CDH18: variants seen among roughly 807,000 people sequenced by gnomAD.
CDH18 encodes the protein cadherin-18.
A neutral mutation model predicts 67.9 loss-of-function variants in CDH18; 31 were observed. The observed-to-expected ratio is 0.46, with a 90% CI of 0.34 to 0.62. CDH18 has a LOEUF of 0.62. Ranked by LOEUF, CDH18 falls within the 20% of genes least tolerant of loss-of-function variation. The pLI, the probability that CDH18 is intolerant of heterozygous loss-of-function variation, is 0.01. For synonymous variants in CDH18, 362 were observed against 347.2 expected (o/e 1.04, Z -0.48); for missense variants, 890 against 975.5 (o/e 0.91, Z 1.17).
At chr5:20,421,855 C>T (rs1747890221) in intron 1 of CDH18, among the ~76,000 whole-genome samples, 1 of 150,146 alleles carries the variant, frequency 6.7e-6, no homozygotes, top group Non-Finnish European at 1.5e-5. Context: ...CATGTATACA[C>T]ACATACATGT....
chr5:20,444,821 A>C (rs1045627209), intron 1 of CDH18, among the ~76,000 whole-genome samples: 8 of 148,518 alleles, frequency 5.4e-5, no homozygotes, highest in African/African-American at 2.0e-4. Context: ...CTGCGACTAC[A>C]TTTTATAAAA....
At position 20,507,077 on chromosome 5, in the gene CDH18, T is replaced by A. The variant is rs149507282; in HGVS notation, c.-580+68385A>T. 1.8e-4 allele frequency among the ~76,000 whole-genome samples: 27 copies of A among 152,342 alleles called. No homozygotes were observed. In the East Asian group the frequency reaches 4.6e-3, roughly 26 times the overall value. On this transcript the variant is annotated intron_variant, in intron 1 of 14. Transcript: ENST00000507958. ...TGAGCCATCCTACAACAGCTCTAGC[T>A]GAGCTCCCAGCCATCAGCCAGCAGT... is the stretch of plus-strand genomic sequence containing the variant.
chr5:19,983,677 G>A (rs1234304539), intron 1 of CDH18, among the ~76,000 whole-genome samples: 1 of 151,950 alleles, frequency 6.6e-6, no homozygotes, highest in Non-Finnish European at 1.5e-5. Context: ...GCATGTCAGG[G>A]TGCACTAGGG....
At chr5:19,685,749 A>G (rs1445989489) in intron 5 of CDH18, among the ~76,000 whole-genome samples, 3 of 152,140 alleles carry the variant, frequency 2.0e-5, no homozygotes, top group South Asian at 2.1e-4. Flanking sequence ...GTGCTATTAC[A>G]TCACCTGTGT....
intron 6 of CDH18, among the ~76,000 whole-genome samples, chr5:19,597,733 T>C (rs1746401581): frequency 6.6e-6 from 1 of 152,236 alleles, no homozygotes; most frequent in Admixed American, 6.5e-5. Flanking sequence ...GTGATGCTTC[T>C]AAGTGAGCCA....
chr5:19,919,341 A>G (rs898884264), intron 2 of CDH18, among the ~76,000 whole-genome samples: 1 of 152,202 alleles, frequency 6.6e-6, no homozygotes, highest in Non-Finnish European at 1.5e-5. Flanking sequence ...GAATGGTTAT[A>G]GCAAATTATT....
At chr5:20,335,555 C>T (rs1739648065) in intron 1 of CDH18, among the ~76,000 whole-genome samples, 1 of 152,160 alleles carries the variant, frequency 6.6e-6, no homozygotes, top group Admixed American at 6.5e-5. Flanking sequence ...GAGACTTTCA[C>T]TATCCTATTA....
At chr5:20,371,420 G>A (rs1305603697) in intron 1 of CDH18, among the ~76,000 whole-genome samples, 1 of 152,166 alleles carries the variant, frequency 6.6e-6, no homozygotes, top group Non-Finnish European at 1.5e-5. Context: ...GCATTGTTCT[G>A]CAGAATATGG....
chr5:19,524,895 G>A lies in CDH18; in HGVS notation c.1391-4117C>T, dbSNP rs907943496. ...CGAGTAGCTGGGACTACAGGCGCCC[G>A]CCACCACGCCCGGCTAATTTATTGT... On this transcript the variant is annotated intron_variant, in intron 9 of 12. Coordinates refer to ENST00000382275, the MANE Select transcript of CDH18 (RefSeq NM_004934.5). 8.5e-5 allele frequency among the ~76,000 whole-genome samples: 13 copies of A among 152,142 alleles called. No homozygotes were observed. In the East Asian group the frequency reaches 1.9e-3, roughly 23 times the overall value.
At chr5:19,970,881 T>C (rs1212772533) in intron 2 of CDH18, among the ~76,000 whole-genome samples, 1 of 151,640 alleles carries the variant, frequency 6.6e-6, no homozygotes, top group Non-Finnish European at 1.5e-5. Flanking sequence ...ATATAGGTAA[T>C]ACAGAAAACT....
At chr5:19,759,774 C>G (rs1172375544) in intron 3 of CDH18, among the ~76,000 whole-genome samples, 1 of 152,102 alleles carries the variant, frequency 6.6e-6, no homozygotes, top group Non-Finnish European at 1.5e-5. Flanking sequence ...AAAATATTCA[C>G]TCCATAAATT....
chr5:19,952,673 T>A (rs1305024967), intron 2 of CDH18, among the ~76,000 whole-genome samples: 1 of 152,176 alleles, frequency 6.6e-6, no homozygotes, highest in African/African-American at 2.4e-5. Context: ...TCATTGCACT[T>A]TAAGCTGTCA....
intron 10 of CDH18, among the ~76,000 whole-genome samples, chr5:19,519,058 C>T (rs1746475373): frequency 6.6e-6 from 1 of 152,156 alleles, no homozygotes; most frequent in African/African-American, 2.4e-5. Flanking sequence ...CTCTACTTGG[C>T]TTCTGTGTTC....
chr5:19,752,862 A>G (rs1177545287), intron 3 of CDH18, among the ~76,000 whole-genome samples: 1 of 152,188 alleles, frequency 6.6e-6, no homozygotes, highest in Admixed American at 6.5e-5. Context: ...AGGACTTTGT[A>G]CAGACAACAC....
At chr5:20,199,408 G>A (rs1739262147) in intron 2 of CDH18, among the ~76,000 whole-genome samples, 1 of 152,260 alleles carries the variant, frequency 6.6e-6, no homozygotes, top group East Asian at 1.9e-4. Context: ...ACTTGCATAA[G>A]GCCTGTAGCC....
chr5:19,573,598 T>C (rs941355337), intron 7 of CDH18, among the ~76,000 whole-genome samples: 6 of 152,006 alleles, frequency 3.9e-5, no homozygotes, highest in Non-Finnish European at 7.4e-5. Context: ...ATACTCTTAA[T>C]TGGATCCACA....
intron 2 of CDH18, among the ~76,000 whole-genome samples, chr5:20,120,735 G>GA (rs552702146): frequency 6.6e-6 from 1 of 151,990 alleles, no homozygotes; most frequent in Admixed American, 6.6e-5. Flanking sequence ...AAATTGTTTT[G>GA]AAAAAATGAT....
chr5:20,219,531 G>T (rs983661203), intron 2 of CDH18, among the ~76,000 whole-genome samples: 12 of 139,384 alleles, frequency 8.6e-5, no homozygotes, highest in Non-Finnish European at 1.4e-4. Flanking sequence ...AAAAAAAAAA[G>T]AAAAAAACAA....
At chr5:19,498,451 G>C (rs1742703351) in intron 11 of CDH18, among the ~76,000 whole-genome samples, 2 of 152,076 alleles carry the variant, frequency 1.3e-5, no homozygotes, top group African/African-American at 2.4e-5. Flanking sequence ...TAGTCTTAAG[G>C]TATTTTACAA....
Sources: gnomAD v4.1 joint callset for allele counts (sites outside exome capture counted in the v4.1 genomes callset) on GRCh38, gnomAD v4.1.1 for gene constraint, MANE v1.5 for transcripts, NCBI Gene and HGNC (gene_info 2026-07-23, HGNC 2026-07-21) for gene names.